Variants in PACRG observed in about 807,000 individuals in gnomAD.
The protein encoded by PACRG is parkin coregulated gene protein.
Under a neutral mutation model 29.7 loss-of-function variants are expected in PACRG, and 29 were observed. That is an observed-to-expected ratio of 0.98 (90% CI 0.73 to 1.33). PACRG has a LOEUF of 1.33. Among genes scored for constraint, PACRG ranks in the 40% most tolerant of loss-of-function variants. The probability of loss-of-function intolerance (pLI) is 0.00; values close to 1 mark genes in which losing one functional copy is unlikely to be tolerated. For synonymous variants in PACRG, 116 were observed against 118.7 expected (o/e 0.98, Z 0.15); for missense variants, 279 against 316.2 (o/e 0.88, Z 0.89).
chr6:163,064,742 T>C (rs1358724243), intron 3 of PACRG, among the ~76,000 whole-genome samples: 1 of 152,140 alleles, frequency 6.6e-6, no homozygotes, highest in East Asian at 1.9e-4. Flanking sequence ...ACGTATAACA[T>C]CTCTGTGTAT....
chr6:163,033,185 A>G (rs1585048075), intron 2 of PACRG, among the ~76,000 whole-genome samples: 2 of 152,216 alleles, frequency 1.3e-5, no homozygotes, highest in East Asian at 3.8e-4. Context: ...AGTCTCAAAT[A>G]CATGTTATCC....
intron 4 of PACRG, among the ~76,000 whole-genome samples, chr6:163,091,910 A>C (rs1322986510): frequency 6.6e-6 from 1 of 152,228 alleles, no homozygotes; most frequent in Non-Finnish European, 1.5e-5. Context: ...AATTAAAATT[A>C]CATTAGAAAT....
chr6:163,104,087 A>G (rs111976326), intron 4 of PACRG, among the ~76,000 whole-genome samples: 2 of 152,236 alleles, frequency 1.3e-5, no homozygotes, highest in Non-Finnish European at 2.9e-5. Flanking sequence ...CAACTATTAT[A>G]TGCTGGTAGA....
At chr6:163,137,718 AG>A (rs34262075) in intron 4 of PACRG, among the ~76,000 whole-genome samples, 30,376 of 152,184 alleles carry the variant, frequency 0.2, 3,052 homozygotes, top group African/African-American at 0.22. Flanking sequence ...GCATCCGTGT[AG>A]ACTCATTTAA....
chr6:162,829,421 C>T lies in PACRG; in HGVS notation c.291+15140C>T, dbSNP rs540452610. ...AAGAGATGAAACTGAGTATTAAAGA[C>T]GTGCACTATTCATTTGTTTGTTCTG... On this transcript the variant is annotated intron_variant, in intron 2 of 4. Coordinates refer to ENST00000366888, the MANE Select transcript of PACRG (RefSeq NM_001080379.2). Among the ~76,000 whole-genome samples the T allele has an allele frequency of 1.8e-4, 28 of 152,320 alleles. No individual in the cohort carries two copies. The South Asian group carries it at 4.3e-3, about 24-fold the overall frequency.
At chr6:162,980,188 A>G (rs745410832) in intron 2 of PACRG, among the ~76,000 whole-genome samples, 1 of 151,554 alleles carries the variant, frequency 6.6e-6, no homozygotes, top group African/African-American at 2.4e-5. Flanking sequence ...ACACACACAC[A>G]CGCACACACA....
intron 4 of PACRG, among the ~76,000 whole-genome samples, chr6:163,282,620 G>A (rs1784258177): frequency 6.6e-6 from 1 of 151,390 alleles, no homozygotes; most frequent in African/African-American, 2.4e-5. Flanking sequence ...GCTGAGGCAG[G>A]AGAATCACTT....
At chr6:163,214,536 A>T (rs776007915) in intron 4 of PACRG, among the ~76,000 whole-genome samples, 1 of 151,828 alleles carries the variant, frequency 6.6e-6, no homozygotes, top group Non-Finnish European at 1.5e-5. Flanking sequence ...AAATTTATAC[A>T]TCATCTTTTA....
chr6:162,996,532 T>G (rs1804072636), intron 2 of PACRG, among the ~76,000 whole-genome samples: 1 of 151,992 alleles, frequency 6.6e-6, no homozygotes, highest in African/African-American at 2.4e-5. Context: ...AATGAAACAT[T>G]CCACCAAACT....
At chr6:163,260,758 T>C (rs1231793043) in intron 4 of PACRG, among the ~76,000 whole-genome samples, 1 of 152,164 alleles carries the variant, frequency 6.6e-6, no homozygotes, top group Non-Finnish European at 1.5e-5. Flanking sequence ...TCTCCTGCTC[T>C]AGCAGCTGAA....
chr6:162,800,326 T>A (rs1360758402), intron 1 of PACRG, among the ~76,000 whole-genome samples: 1 of 152,256 alleles, frequency 6.6e-6, no homozygotes, highest in African/African-American at 2.4e-5. Context: ...TGGAGAATTT[T>A]AAAGATCACT....
intron 3 of PACRG, among the ~76,000 whole-genome samples, chr6:163,079,430 G>GA (rs1812865281): frequency 1.3e-5 from 2 of 149,804 alleles, no homozygotes; most frequent in Admixed American, 1.3e-4. Flanking sequence ...AAGAAAGAAA[G>GA]AAAAAGCCTA....
intron 2 of PACRG, among the ~76,000 whole-genome samples, chr6:162,972,595 G>T (rs1340542331): frequency 1.3e-5 from 2 of 152,138 alleles, no homozygotes; most frequent in Non-Finnish European, 2.9e-5. Flanking sequence ...CCTGCAGATT[G>T]GATATATCAG....
chr6:163,123,618 A>C (rs1037141754), intron 4 of PACRG, among the ~76,000 whole-genome samples: 1 of 152,160 alleles, frequency 6.6e-6, no homozygotes, highest in Non-Finnish European at 1.5e-5. Flanking sequence ...TATCTTGTGT[A>C]ACTGTAATTT....
chr6:162,905,482 C>A (rs1439290138), intron 2 of PACRG, among the ~76,000 whole-genome samples: 1 of 152,114 alleles, frequency 6.6e-6, no homozygotes, highest in Non-Finnish European at 1.5e-5. Flanking sequence ...GGAAAGAATC[C>A]CGCAGCTCGT....
chr6:163,164,093 A>C (rs934633849), intron 4 of PACRG, among the ~76,000 whole-genome samples: 2 of 152,158 alleles, frequency 1.3e-5, no homozygotes, highest in Non-Finnish European at 2.9e-5. Flanking sequence ...CATTTAAAAA[A>C]AAATGTTTGG....
intron 2 of PACRG, among the ~76,000 whole-genome samples, chr6:162,951,396 G>GA (rs1344870552): frequency 6.6e-6 from 1 of 152,244 alleles, no homozygotes; most frequent in African/African-American, 2.4e-5. Flanking sequence ...ACACAGGCAG[G>GA]AAGGCTCTGA....
intron 2 of PACRG, among the ~76,000 whole-genome samples, chr6:163,058,043 T>C (rs748823221): frequency 2.4e-4 from 36 of 152,220 alleles, no homozygotes; most frequent in Non-Finnish European, 5.1e-4. Context: ...CAAATAAATA[T>C]ATTGCTATCA....
At chr6:162,748,838 A>G (rs6940039) in intron 1 of PACRG, among the ~76,000 whole-genome samples, 102,515 of 151,970 alleles carry the variant, frequency 0.67, 35,565 homozygotes, top group African/African-American at 0.84. Flanking sequence ...GCTTAATTGA[A>G]GTATCAACAA....
Sources: allele counts gnomAD v4.1 joint callset (sites outside exome capture counted in the v4.1 genomes callset), GRCh38; gene constraint gnomAD v4.1.1; transcripts MANE v1.5; gene names NCBI Gene and HGNC (gene_info 2026-07-23, HGNC 2026-07-21).